Variants in RIOX2 observed in about 807,000 individuals in gnomAD.
The protein encoded by RIOX2 is ribosomal oxygenase 2.
In RIOX2, 43 loss-of-function variants were observed where a neutral mutation model predicts 51.2. That is an observed-to-expected ratio of 0.84 (90% CI 0.66 to 1.08). The LOEUF (loss-of-function observed/expected upper bound fraction) is 1.08. RIOX2 is among the 50% of genes least tolerant of loss of function. The probability of loss-of-function intolerance (pLI) is 0.00; values close to 1 mark genes in which losing one functional copy is unlikely to be tolerated. For synonymous variants in RIOX2, 226 were observed against 218.5 expected (o/e 1.03, Z -0.30); for missense variants, 566 against 561.7 (o/e 1.01, Z -0.08).
In RIOX2 at chr3:97,943,387, G is replaced by A. The variant is rs546376623; in HGVS notation, c.*1797C>T. On this transcript the variant is annotated 3_prime_UTR_variant, in exon 10 of 10. Coordinates refer to ENST00000394198, the MANE Select transcript of RIOX2 (RefSeq NM_153182.4). ...ACACATCTGTCATTGTCTTGTGGAC[G>A]TGGAAAGGAAGCTACTGTCCTCACA... The A allele has an allele frequency of 1.5e-3, 1,304 of 876,692 alleles. 1 individual carries two copies. Among genetic ancestry groups the A allele is most frequent in the Non-Finnish European group, 2.1e-3 (1,121 of 540,256 alleles). 54.3% of individuals were successfully genotyped at this position (876,692 alleles called of 1,614,324 possible). A position where few individuals can be genotyped will look rare whatever the true frequency, so the allele number is the denominator to read the frequency against.
Position 97,944,614 on chromosome 3 carries a change from G to A in RIOX2, c.*570C>T, listed in dbSNP as rs1441562572. The A allele has an allele frequency of 6.6e-6, 1 of 151,906 alleles. No individual in the cohort carries two copies. Among genetic ancestry groups the A allele is most frequent in the Non-Finnish European group, 1.5e-5 (1 of 67,812 alleles). 9.4% of individuals were successfully genotyped at this position (151,906 alleles called of 1,614,324 possible). Reference sequence around the variant, plus strand: ...GGGTTTTTTTCCTCCTTCAATCTCAGGCTTTTCTCCATCTTTTAAGCAGCC... The same window carrying A: ...GGGTTTTTTTCCTCCTTCAATCTCAAGCTTTTCTCCATCTTTTAAGCAGCC... On this transcript the variant is annotated 3_prime_UTR_variant, in exon 10 of 10. Coordinates refer to ENST00000394198, the MANE Select transcript of RIOX2 (RefSeq NM_153182.4).
chr3:97,951,071 A>G, intron 5 of RIOX2, 183 bp from the exon 6 acceptor site: 1 of 540,740 alleles, frequency 1.8e-6, no homozygotes, highest in Non-Finnish European at 3.3e-6. Context: ...TTCATCAACC[A>G]CCCTGTTTCC....
At chr3:97,959,657 T>C (rs1475881181) in intron 3 of RIOX2, among the ~76,000 whole-genome samples, 1 of 152,138 alleles carries the variant, frequency 6.6e-6, no homozygotes, top group African/African-American at 2.4e-5. Context: ...ATATGCTGAT[T>C]TTTTTCAATA....
At chr3:97,952,215 C>T (rs912204556) in intron 5 of RIOX2, 1 of 1,289,790 alleles carries the variant, frequency 7.8e-7, no homozygotes. Flanking sequence ...GGAGCAATGG[C>T]CCTCAAGTCA....
intron 5 of RIOX2, among the ~76,000 whole-genome samples, chr3:97,953,600 C>T (rs1472773065): frequency 6.6e-6 from 1 of 152,104 alleles, no homozygotes; most frequent in Non-Finnish European, 1.5e-5. Context: ...CCAGGCTGGT[C>T]TCAAACTTCT....
chr3:97,944,266 TTTTA>T lies in RIOX2; in HGVS notation c.*914_*917del, dbSNP rs2040300553. 6.6e-6 allele frequency: 1 copy of T among 151,974 alleles called. No homozygotes were observed. Among genetic ancestry groups the T allele is most frequent in the African/African-American group, 2.4e-5 (1 of 41,426 alleles). The allele number at this position is 151,974 out of a possible 1,614,324, so 9.4% of individuals were successfully genotyped here. A position where few individuals can be genotyped will look rare whatever the true frequency, so the allele number is the denominator to read the frequency against. ...GTTTTTCACTCCCATTGTAAGTAAC[TTTTA>T]TTTAAGTAAGTAAAATCAGGTAGGA... On this transcript the variant is annotated 3_prime_UTR_variant, in exon 10 of 10. Coordinates refer to ENST00000394198, the MANE Select transcript of RIOX2 (RefSeq NM_153182.4).
chr3:97,955,824 G>A (rs1219196236), intron 4 of RIOX2, among the ~76,000 whole-genome samples: 1 of 152,036 alleles, frequency 6.6e-6, no homozygotes, highest in Admixed American at 6.6e-5. Context: ...TACATTACAT[G>A]GTACAGCCTA....
In RIOX2 at chr3:97,943,376, G is replaced by T; in HGVS notation, c.*1808C>A. The T allele has an allele frequency of 1.0e-6, 1 of 957,652 alleles. No homozygotes were observed. 59.3% of individuals were successfully genotyped at this position (957,652 alleles called of 1,614,324 possible). A position where few individuals can be genotyped will look rare whatever the true frequency, so the allele number is the denominator to read the frequency against. Reference sequence around the variant, plus strand: ...CAAAGAAGGAAACACATCTGTCATTGTCTTGTGGACGTGGAAAGGAAGCTA... The same window carrying T: ...CAAAGAAGGAAACACATCTGTCATTTTCTTGTGGACGTGGAAAGGAAGCTA... On this transcript the variant is annotated 3_prime_UTR_variant, in exon 10 of 10. Coordinates refer to ENST00000394198, the MANE Select transcript of RIOX2 (RefSeq NM_153182.4).
intron 2 of RIOX2, among the ~76,000 whole-genome samples, chr3:97,966,021 T>C (rs1705877235): frequency 6.6e-6 from 1 of 152,230 alleles, no homozygotes; most frequent in East Asian, 1.9e-4. Flanking sequence ...TTCAACTTTG[T>C]ATGATTGCTT....
intron 7 of RIOX2, among the ~76,000 whole-genome samples, chr3:97,948,278 A>G (rs764475737): frequency 7.9e-5 from 12 of 152,216 alleles, no homozygotes; most frequent in South Asian, 2.1e-4. Flanking sequence ...CTTATAGATT[A>G]TCTATCTCAG....
intron 2 of RIOX2, among the ~76,000 whole-genome samples, chr3:97,962,835 G>C (rs1256432281): frequency 6.6e-6 from 1 of 152,188 alleles, no homozygotes; most frequent in African/African-American, 2.4e-5. Context: ...CATGCAACTA[G>C]TAAATGATGG....
intron 2 of RIOX2, among the ~76,000 whole-genome samples, chr3:97,964,685 A>G (rs1250389908): frequency 7.6e-6 from 1 of 132,098 alleles, no homozygotes; most frequent in Non-Finnish European, 1.6e-5. Flanking sequence ...TGACAGGGCA[A>G]GACTCTGTCT....
intron 3 of RIOX2, among the ~76,000 whole-genome samples, chr3:97,961,172 T>C (rs571325396): frequency 2.0e-5 from 3 of 152,228 alleles, no homozygotes; most frequent in African/African-American, 7.2e-5. Context: ...TTTTCACAAA[T>C]GGAAAATATA....
At position 97,943,094 on chromosome 3, in the gene RIOX2, C is replaced by G. The variant is rs369433782; in HGVS notation, c.*2090G>C. The G allele has an allele frequency of 6.6e-4, 399 of 609,086 alleles. 5 individuals are homozygous for G. The South Asian group carries it at 7.9e-3, about 12-fold the overall frequency. The allele number at this position is 609,086 out of a possible 1,614,324, so 37.7% of individuals were successfully genotyped here. A position where few individuals can be genotyped will look rare whatever the true frequency, so the allele number is the denominator to read the frequency against. On this transcript the variant is annotated 3_prime_UTR_variant, in exon 10 of 10. Coordinates refer to ENST00000394198, the MANE Select transcript of RIOX2 (RefSeq NM_153182.4). ...CTAAGCCTGTTCAAACTCAGCTTCC[C>G]ATTTCAGACTTCTTTGTAAATGACA...
rs150627318 is a variant in RIOX2 at position 97,970,806 on chromosome 3, A to G, written c.-40+1575T>C. 2.2e-4 allele frequency among the ~76,000 whole-genome samples: 34 copies of G among 152,364 alleles called. 1 individual carries two copies. The East Asian group carries it at 5.6e-3, about 25-fold the overall frequency. ...ACAGATAAACCCTATAAGAAAATCA[A>G]TGTTGACAACCATACTATAGGCAAC... On this transcript the variant is annotated intron_variant, in intron 1 of 9. Transcript: ENST00000394198.
At chr3:97,969,919 G>A (rs970528206) in intron 1 of RIOX2, among the ~76,000 whole-genome samples, 4 of 152,102 alleles carry the variant, frequency 2.6e-5, no homozygotes, top group African/African-American at 9.7e-5. Flanking sequence ...GATGGCCTTG[G>A]GGACCACAGC....
chr3:97,950,752 C>T (rs1257578566), intron 6 of RIOX2, 34 bp downstream of exon 6: 14 of 1,552,578 alleles, frequency 9.0e-6, no homozygotes, highest in African/African-American at 1.4e-5. Flanking sequence ...GCTGCAGCTA[C>T]CATCCTTCAT....
At chr3:97,950,675 A>T in intron 6 of RIOX2, 111 bp downstream of exon 6, 1 of 807,870 alleles carries the variant, frequency 1.2e-6, no homozygotes, top group Non-Finnish European at 2.1e-6. Context: ...GCAGCACAGT[A>T]GACAAGCCTG....
chr3:97,967,259 AC>A lies in RIOX2; in HGVS notation c.334del (p.Val112PhefsTer2), dbSNP rs1559765598. 1 of 1,614,100 alleles carries A rather than the reference AC, an allele frequency of 6.2e-7. No homozygotes were observed. The highest frequency in any genetic ancestry group is 2.2e-5 in the East Asian group (1 of 44,880). ...VCRCVNGKKKVLNKDGKAHFL... is the reference protein window; with the variant it reads ...VCRCVNGKKKXLNKDGKAHFL... The stretch of plus-strand genomic sequence containing the variant: ...GTGTGCTTTGCCATCTTTATTTAAA[AC>A]CTTCTTCTTCCCATTGACACACCGG... On this transcript the variant is annotated frameshift_variant, in exon 2 of 10. Coordinates refer to ENST00000394198, the MANE Select transcript of RIOX2 (RefSeq NM_153182.4). LOFTEE classifies it high-confidence loss of function.
Sources: allele counts gnomAD v4.1 joint callset (sites outside exome capture counted in the v4.1 genomes callset), GRCh38; gene constraint gnomAD v4.1.1; transcripts MANE v1.5; gene names NCBI Gene and HGNC (gene_info 2026-07-23, HGNC 2026-07-21).